Variants in VAV2 observed in about 807,000 individuals in gnomAD.
VAV2 encodes guanine nucleotide exchange factor VAV2.
VAV2 carries 67 observed loss-of-function variants against 132.5 expected under a neutral mutation model. That is an observed-to-expected ratio of 0.51 (90% CI 0.42 to 0.62). The LOEUF (loss-of-function observed/expected upper bound fraction) is 0.62. Ranked by LOEUF, VAV2 falls within the 20% of genes least tolerant of loss-of-function variation. The pLI is 0.00. For missense variants in VAV2, 938 were observed against 1,153.6 expected (o/e 0.81, Z 2.71); for synonymous variants, 492 against 443.5 (o/e 1.11, Z -1.37).
chr9:133,861,254 T>A, intron 3 of VAV2, 120 bp downstream of exon 3: 2 of 1,085,794 alleles, frequency 1.8e-6, no homozygotes, highest in Non-Finnish European at 1.3e-6. Flanking sequence ...ACGCTGCAAA[T>A]GCATGATAAA....
At position 133,786,467 on chromosome 9, in the gene VAV2, T is replaced by C. The variant is rs567342959; in HGVS notation, c.1423-582A>G. On this transcript the variant is annotated intron_variant, in intron 16 of 29. Coordinates refer to ENST00000371850, the MANE Select transcript of VAV2 (RefSeq NM_001134398.2). ...CCATGTGCGAGGATGCTCCACCGAG[T>C]GCATATGTAGATGCATGTTAAGCGG... Among the ~76,000 whole-genome samples, 28 of 151,982 alleles carry C rather than the reference T, an allele frequency of 1.8e-4. No homozygotes were observed. The South Asian group carries it at 5.8e-3, about 32-fold the overall frequency.
At chr9:133,907,973 G>A (rs1319335152) in intron 2 of VAV2, among the ~76,000 whole-genome samples, 3 of 121,438 alleles carry the variant, frequency 2.5e-5, no homozygotes, top group Admixed American at 8.8e-5. Context: ...GTCTGAAGGC[G>A]CCCCTCCCAC....
intron 2 of VAV2, among the ~76,000 whole-genome samples, chr9:133,932,796 C>T (rs1198633866): frequency 6.6e-6 from 1 of 152,240 alleles, no homozygotes; most frequent in Non-Finnish European, 1.5e-5. Flanking sequence ...AAGGCAGGTG[C>T]AGTGGACCAC....
At chr9:133,789,613 C>T (rs1375892806) in intron 13 of VAV2, among the ~76,000 whole-genome samples, 6 of 152,178 alleles carry the variant, frequency 3.9e-5, no homozygotes, top group African/African-American at 9.6e-5. Context: ...GGACAAAGGG[C>T]GATTGACGGT....
In VAV2 at chr9:133,841,043, T is replaced by C. The variant is rs375849162; in HGVS notation, c.381-6703A>G. ...AGGAGCCGGCAGCCAGATTTGGTTT[T>C]TAAGACAAAGACCAGAGTAGCAAAG... is the stretch of plus-strand genomic sequence containing the variant. On this transcript the variant is annotated intron_variant, in intron 3 of 29. Transcript: ENST00000371850. Among the ~76,000 whole-genome samples the C allele has an allele frequency of 2.3e-3, 354 of 152,206 alleles. 3 individuals are homozygous for C. Among genetic ancestry groups the C allele is most frequent in the Non-Finnish European group, 3.8e-3 (255 of 67,994 alleles).
At chr9:133,820,884 C>T (rs1261562491) in intron 4 of VAV2, among the ~76,000 whole-genome samples, 2 of 152,172 alleles carry the variant, frequency 1.3e-5, no homozygotes, top group Admixed American at 6.5e-5. Flanking sequence ...CTCACCTCAG[C>T]GTTCTCACTA....
chr9:133,822,290 A>C (rs1247030214), intron 4 of VAV2, among the ~76,000 whole-genome samples: 1 of 152,184 alleles, frequency 6.6e-6, no homozygotes, highest in Non-Finnish European at 1.5e-5. Flanking sequence ...TGATGCTGCC[A>C]AGCAGGGTAC....
chr9:133,874,703 C>T (rs1465152224), intron 2 of VAV2, among the ~76,000 whole-genome samples: 1 of 152,168 alleles, frequency 6.6e-6, no homozygotes, highest in Non-Finnish European at 1.5e-5. Flanking sequence ...GAACCTCCTG[C>T]GCTGCTTCTT....
intron 17 of VAV2, among the ~76,000 whole-genome samples, chr9:133,785,135 C>T (rs145886322): frequency 5.9e-5 from 9 of 152,244 alleles, no homozygotes; most frequent in African/African-American, 2.2e-4. Flanking sequence ...CCTTTCGATC[C>T]TCCCAAAAAG....
intron 4 of VAV2, among the ~76,000 whole-genome samples, chr9:133,828,379 G>A (rs868150239): frequency 2.5e-4 from 1 of 3,982 alleles, no homozygotes; most frequent in African/African-American, 6.1e-4. Context: ...CTACCGCTGC[G>A]CCCACTGGGG....
chr9:133,860,632 C>G (rs962882585), intron 3 of VAV2, among the ~76,000 whole-genome samples: 6 of 152,262 alleles, frequency 3.9e-5, no homozygotes, highest in Admixed American at 3.9e-4. Flanking sequence ...CCTCGCTGCT[C>G]TCAGGCCAGG....
rs1212668259 is a variant in VAV2, at chr9:133,991,856, C to G, written c.204+219G>C. Among the ~76,000 whole-genome samples, 1 of 150,946 alleles carries G rather than the reference C, an allele frequency of 6.6e-6. No homozygotes were observed. Among genetic ancestry groups the G allele is most frequent in the Admixed American group, 6.6e-5 (1 of 15,182 alleles). ...GAGCAGTGCCCGCGGGCGGCGGCGG[C>G]GCGACCCAGGCTGAGGGGACTTTGG... On this transcript the variant is annotated intron_variant, in intron 1 of 29. Transcript: ENST00000371850. The surrounding 1 kb of genome is among the most constrained non-coding windows in gnomAD (Gnocchi z 4.8).
rs539463560 is a variant in VAV2, at chr9:133,966,862, T to C, written c.204+25213A>G. Among the ~76,000 whole-genome samples the C allele has an allele frequency of 2.4e-4, 36 of 151,904 alleles. No individual in the cohort carries two copies. The South Asian group carries it at 7.3e-3, about 31-fold the overall frequency. On this transcript the variant is annotated intron_variant, in intron 1 of 29. Coordinates refer to ENST00000371850, the MANE Select transcript of VAV2 (RefSeq NM_001134398.2). ...CCAGCCTGGCCAACACCGTAAACCC[T>C]GTCTCTACTAAAAATACAAAAAATC...
intron 16 of VAV2, among the ~76,000 whole-genome samples, chr9:133,786,313 C>T (rs1176466896): frequency 2.6e-5 from 4 of 152,326 alleles, no homozygotes; most frequent in East Asian, 1.9e-4. Context: ...TGTACTAACA[C>T]GTATGATGCA....
At chr9:133,903,127 A>G (rs1839508998) in intron 2 of VAV2, among the ~76,000 whole-genome samples, 1 of 151,388 alleles carries the variant, frequency 6.6e-6, no homozygotes, top group African/African-American at 2.4e-5. Flanking sequence ...ATAGGCACAG[A>G]GGAAAGACGA....
At chr9:133,856,718 G>T (rs73663863) in intron 3 of VAV2, among the ~76,000 whole-genome samples, 4 of 152,116 alleles carry the variant, frequency 2.6e-5, no homozygotes, top group Non-Finnish European at 4.4e-5. Context: ...CTTTCAGGAG[G>T]TGCCGGGGAG....
Position 133,843,288 on chromosome 9 carries a change from G to A in VAV2, c.381-8948C>T, listed in dbSNP as rs537375608. ...AGTCTGAACCTGGGGAAACCAGGAAGGGCTTCTCGCAGGTGGCGGCAAGGG... is the reference window on the plus strand; with the variant it reads ...AGTCTGAACCTGGGGAAACCAGGAAAGGCTTCTCGCAGGTGGCGGCAAGGG... On this transcript the variant is annotated intron_variant, in intron 3 of 29. Transcript: ENST00000371850. Among the ~76,000 whole-genome samples the A allele has an allele frequency of 5.8e-4, 88 of 152,344 alleles. 1 individual carries two copies. In the South Asian group the frequency reaches 0.018, roughly 32 times the overall value.
intron 2 of VAV2, among the ~76,000 whole-genome samples, chr9:133,915,079 G>A (rs1178764275): frequency 1.3e-5 from 2 of 152,102 alleles, no homozygotes; most frequent in East Asian, 1.9e-4. Context: ...GAAACAGGCC[G>A]CTTGGCCGGA....
rs1833543188 is a variant in VAV2 at position 133,769,454 on chromosome 9, G to C, written c.2397C>G (p.Ser799Arg). ...NFSFLSPQGLSFASQGPSAPF... is the reference protein window; with the variant it reads ...NFSFLSPQGLRFASQGPSAPF... ...GAGCGGAGGGGCCCTGAGAAGCAAA[G>C]CTGAGGCCCTGAGGACTGAGAAAAG... The change falls in exon 28 of 30, where the codon AGC becomes AGG. Residue 799 changes from serine (S) to arginine (R), a missense_variant. Coordinates refer to ENST00000371850, the MANE Select transcript of VAV2 (RefSeq NM_001134398.2). This position sits in a 1 kb window ranked among gnomAD's most constrained non-coding sequence, Gnocchi z 8.1. 8.1e-6 allele frequency: 13 copies of C among 1,613,320 alleles called. No homozygotes were observed. The highest frequency in any genetic ancestry group is 1.1e-5 in the Non-Finnish European group (13 of 1,179,624).
Sources: allele counts gnomAD v4.1 joint callset (sites outside exome capture counted in the v4.1 genomes callset), GRCh38; gene constraint gnomAD v4.1.1; non-coding constraint Gnocchi (gnomAD v3.1); transcripts MANE v1.5; gene names NCBI Gene and HGNC (gene_info 2026-07-23, HGNC 2026-07-21).